The following ATP5F1C variants were observed in gnomAD, a reference collection of about 807,000 sequenced individuals.
The protein encoded by ATP5F1C is ATP synthase F1 subunit gamma.
ATP5F1C carries 22 observed loss-of-function variants against 37.4 expected under a neutral mutation model. The ratio of observed to expected loss-of-function variants is 0.59; its 90% CI spans 0.42 to 0.84. The LOEUF is 0.84. ATP5F1C is among the 40% of genes least tolerant of loss of function. The probability of loss-of-function intolerance (pLI) is 0.00; values close to 1 mark genes in which losing one functional copy is unlikely to be tolerated. For synonymous variants in ATP5F1C, 121 were observed against 128.0 expected (o/e 0.95, Z 0.37); for missense variants, 286 against 362.4 (o/e 0.79, Z 1.71).
At chr10:7,805,947 CTGG>C (rs1379881750) in intron 8 of ATP5F1C, among the ~76,000 whole-genome samples, 1 of 151,822 alleles carries the variant, frequency 6.6e-6, no homozygotes, top group Non-Finnish European at 1.5e-5. Context: ...TTAGCCAGGC[CTGG>C]TGGCATGTGC....
At chr10:7,799,581 T>A (rs994741155) in intron 4 of ATP5F1C, 191 bp from the exon 5 acceptor site, 118 of 618,538 alleles carry the variant, frequency 1.9e-4, no homozygotes, top group Admixed American at 5.8e-4. Flanking sequence ...ACCTCATTTT[T>A]AGTTCTTAGT....
chr10:7,801,656 A>G (rs1402611789), intron 6 of ATP5F1C: 3 of 152,234 alleles, frequency 2.0e-5, no homozygotes, highest in Non-Finnish European at 1.5e-5. Context: ...TATCTTGGGG[A>G]CAGGACCTGA....
chr10:7,807,091 G>T (rs2853759), intron 9 of ATP5F1C, 81 bp downstream of exon 9: 318,548 of 1,362,910 alleles, frequency 0.23, 38,154 homozygotes, highest in Admixed American at 0.28. Context: ...AGTAATCCTA[G>T]AATTGTCCTC....
At position 7,800,027 on chromosome 10, in the gene ATP5F1C, G is replaced by A; in HGVS notation, c.573G>A (p.Arg191=). ...DEGSIIFNKF[R]SVISYKTEEK... ...TTACATTTGTTTTTGTCAATTCTAGGTCTGTCATCTCCTATAAGACAGAAG... is the reference window on the plus strand; with the variant it reads ...TTACATTTGTTTTTGTCAATTCTAGATCTGTCATCTCCTATAAGACAGAAG... Residue 191 remains arginine, a splice_region_variant and synonymous_variant, in exon 6 of 10, where the codon AGG becomes AGA. Coordinates refer to ENST00000356708, the MANE Select transcript of ATP5F1C (RefSeq NM_001001973.3). 2 of 1,613,440 alleles carry A rather than the reference G, an allele frequency of 1.2e-6. No homozygotes were observed. The highest frequency in any genetic ancestry group is 1.7e-6 in the Non-Finnish European group (2 of 1,179,844).
intron 1 of ATP5F1C, among the ~76,000 whole-genome samples, chr10:7,790,833 A>T (rs1245705617): frequency 6.6e-6 from 1 of 152,162 alleles, no homozygotes; most frequent in East Asian, 1.9e-4. Flanking sequence ...AAAGTGCACA[A>T]TTCAGTGGGT....
intron 8 of ATP5F1C, among the ~76,000 whole-genome samples, chr10:7,804,348 C>T (rs1836432697): frequency 6.6e-6 from 1 of 152,204 alleles, no homozygotes; most frequent in Non-Finnish European, 1.5e-5. Context: ...GCACTCTTCC[C>T]AGTCCAGTCT....
chr10:7,803,667 T>C (rs187571291), intron 8 of ATP5F1C, among the ~76,000 whole-genome samples: 13 of 152,336 alleles, frequency 8.5e-5, no homozygotes, highest in Non-Finnish European at 1.8e-4. Flanking sequence ...GGAATTTTAT[T>C]CAAAAAGTTA....
intron 8 of ATP5F1C, among the ~76,000 whole-genome samples, chr10:7,806,405 A>G (rs1255210448): frequency 6.6e-6 from 1 of 152,220 alleles, no homozygotes; most frequent in African/African-American, 2.4e-5. Context: ...CTGTAATCCC[A>G]GCACTTTGGG....
chr10:7,801,117 C>G (rs559625145), intron 6 of ATP5F1C, among the ~76,000 whole-genome samples: 17 of 152,306 alleles, frequency 1.1e-4, no homozygotes, highest in African/African-American at 3.1e-4. Context: ...TTGAAGCATC[C>G]TGGAATAATA....
rs1018791312 is a variant in ATP5F1C at position 7,800,029 on chromosome 10, C to T, written c.575C>T (p.Ser192Phe). The change falls in exon 6 of 10, where the codon TCT becomes TTT. Residue 192 changes from serine (S) to phenylalanine (F), a missense_variant and splice_region_variant. Ser to Phe is a radical substitution (Grantham distance 155). Coordinates refer to ENST00000356708, the MANE Select transcript of ATP5F1C (RefSeq NM_001001973.3). ...EGSIIFNKFR[S>F]VISYKTEEKP... ...ACATTTGTTTTTGTCAATTCTAGGT[C>T]TGTCATCTCCTATAAGACAGAAGAA... The T allele has an allele frequency of 6.2e-7, 1 of 1,613,600 alleles. No individual in the cohort carries two copies. The highest frequency in any genetic ancestry group is 1.7e-5 in the Admixed American group (1 of 59,952).
chr10:7,788,381 C>T, intron 1 of ATP5F1C, 118 bp downstream of exon 1: 2 of 1,415,208 alleles, frequency 1.4e-6, no homozygotes, highest in African/African-American at 2.8e-5. Flanking sequence ...CTAGCTGGGC[C>T]CCTGGCCCGT....
intron 1 of ATP5F1C, among the ~76,000 whole-genome samples, chr10:7,790,465 C>T (rs1055275785): frequency 6.6e-6 from 1 of 152,044 alleles, no homozygotes; most frequent in Non-Finnish European, 1.5e-5. Flanking sequence ...TTACTGTCTT[C>T]AAATTTGGGA....
chr10:7,800,224 A>G (rs1836329817), intron 6 of ATP5F1C, 133 bp downstream of exon 6: 2 of 944,980 alleles, frequency 2.1e-6, no homozygotes, highest in African/African-American at 1.6e-5. Context: ...TTTAGATGGA[A>G]TCTTGCTGCC....
At chr10:7,792,898 A>G (rs578075294) in intron 1 of ATP5F1C, among the ~76,000 whole-genome samples, 1 of 152,366 alleles carries the variant, frequency 6.6e-6, no homozygotes, top group East Asian at 1.9e-4. Context: ...AAAAGCTACC[A>G]GAACATCTTC....
chr10:7,797,291 A>G lies in ATP5F1C; in HGVS notation c.223+113A>G, dbSNP rs1488371133. On this transcript the variant is annotated intron_variant, in intron 3 of 9. Coordinates refer to ENST00000356708, the MANE Select transcript of ATP5F1C (RefSeq NM_001001973.3). Reference sequence around the variant, plus strand: ...TGTCAAGCCTATCTGAGCACTTGCCATGTACTTATTTTTCATCTACATCCA... The same window carrying G: ...TGTCAAGCCTATCTGAGCACTTGCCGTGTACTTATTTTTCATCTACATCCA... 4.4e-6 allele frequency: 6 copies of G among 1,370,198 alleles called. No homozygotes were observed. In the East Asian group the frequency reaches 1.2e-4, roughly 27 times the overall value. The allele number at this position is 1,370,198 out of a possible 1,614,324, so 84.9% of individuals were successfully genotyped here. A position where few individuals can be genotyped will look rare whatever the true frequency, so the allele number is the denominator to read the frequency against.
chr10:7,798,555 C>T (rs1239787737), intron 3 of ATP5F1C, among the ~76,000 whole-genome samples: 4 of 152,170 alleles, frequency 2.6e-5, no homozygotes, highest in Non-Finnish European at 4.4e-5. Flanking sequence ...TACAGGCGCC[C>T]GCCACCACGC....
At chr10:7,799,570 G>A in intron 4 of ATP5F1C, 1 of 605,752 alleles carries the variant, frequency 1.7e-6, no homozygotes, top group Non-Finnish European at 2.8e-6. Context: ...ATATAAAACA[G>A]ACCTCATTTT....
intron 1 of ATP5F1C, among the ~76,000 whole-genome samples, chr10:7,792,569 G>A (rs1588496264): frequency 1.3e-5 from 2 of 152,188 alleles, no homozygotes; most frequent in East Asian, 1.9e-4. Context: ...TAGATCCTCG[G>A]CTTTTCTGGC....
intron 1 of ATP5F1C, among the ~76,000 whole-genome samples, chr10:7,792,112 G>A (rs1213842468): frequency 6.6e-6 from 1 of 152,156 alleles, no homozygotes; most frequent in Admixed American, 6.5e-5. Context: ...AAAAAGGAAG[G>A]TTGACCAAAA....
Sources: gnomAD v4.1 joint callset for allele counts (sites outside exome capture counted in the v4.1 genomes callset) on GRCh38, gnomAD v4.1.1 for gene constraint, MANE v1.5 for transcripts, NCBI Gene and HGNC (gene_info 2026-07-23, HGNC 2026-07-21) for gene names.